CSMD1: variants seen among roughly 807,000 people sequenced by gnomAD.
CSMD1 encodes the protein CUB and sushi domain-containing protein 1.
Under a neutral mutation model 417.5 loss-of-function variants are expected in CSMD1, and 213 were observed. The observed-to-expected ratio is 0.51, with a 90% CI of 0.46 to 0.57. CSMD1 has a LOEUF of 0.57. Ranked by LOEUF, CSMD1 falls within the 20% of genes least tolerant of loss-of-function variation. The pLI is 0.00. For synonymous variants in CSMD1, 2,862 were observed against 1,736.8 expected (o/e 1.65, Z -16.11); for missense variants, 6,923 against 4,529.7 (o/e 1.53, Z -15.17).
intron 23 of CSMD1, among the ~76,000 whole-genome samples, chr8:3,324,969 T>G (rs1439619345): frequency 6.6e-6 from 1 of 152,140 alleles, no homozygotes. Flanking sequence ...AATTTTTACT[T>G]GGTTTAAAAG....
intron 3 of CSMD1, among the ~76,000 whole-genome samples, chr8:4,200,080 A>G (rs1367377891): frequency 6.6e-6 from 1 of 152,182 alleles, no homozygotes; most frequent in Non-Finnish European, 1.5e-5. Context: ...CATCCTCTTT[A>G]TATTTTTATG....
At chr8:4,641,800 T>G (rs1176455615) in intron 1 of CSMD1, among the ~76,000 whole-genome samples, 2 of 152,166 alleles carry the variant, frequency 1.3e-5, no homozygotes, top group Non-Finnish European at 2.9e-5. Flanking sequence ...TCTAGATATG[T>G]AGGGACTCTA....
At chr8:4,971,036 G>C (rs17071963) in intron 1 of CSMD1, among the ~76,000 whole-genome samples, 7,957 of 152,048 alleles carry the variant, frequency 0.052, 707 homozygotes, top group African/African-American at 0.18. Context: ...GGTAAGAATT[G>C]ACTTAGTCTT....
intron 5 of CSMD1, among the ~76,000 whole-genome samples, chr8:3,780,158 G>T (rs1799100354): frequency 6.6e-6 from 1 of 152,178 alleles, no homozygotes; most frequent in African/African-American, 2.4e-5. Flanking sequence ...AACATAGTAT[G>T]CACAAATCCA....
intron 3 of CSMD1, among the ~76,000 whole-genome samples, chr8:4,290,245 G>A (rs181393948): frequency 1.3e-5 from 2 of 152,186 alleles, no homozygotes; most frequent in Non-Finnish European, 2.9e-5. Flanking sequence ...ATGTGTTTAG[G>A]CCCGAGGGTG....
At chr8:4,992,606 C>G (rs1310016332) in intron 1 of CSMD1, among the ~76,000 whole-genome samples, 1 of 152,204 alleles carries the variant, frequency 6.6e-6, no homozygotes, top group African/African-American at 2.4e-5. Context: ...ACACACACGC[C>G]CCAGCACACC....
intron 7 of CSMD1, among the ~76,000 whole-genome samples, chr8:3,618,524 T>A (rs556177807): frequency 7.2e-5 from 11 of 152,270 alleles, no homozygotes; most frequent in African/African-American, 2.4e-4. Flanking sequence ...GACAATTATA[T>A]TGAATTCCAA....
intron 5 of CSMD1, among the ~76,000 whole-genome samples, chr8:3,798,425 C>T (rs1800278457): frequency 6.6e-6 from 1 of 151,982 alleles, no homozygotes; most frequent in South Asian, 2.1e-4. Context: ...GGTAAGAGTG[C>T]AGTTTCACTG....
At chr8:4,288,112 C>T (rs1272104750) in intron 3 of CSMD1, among the ~76,000 whole-genome samples, 2 of 152,084 alleles carry the variant, frequency 1.3e-5, no homozygotes, top group Non-Finnish European at 2.9e-5. Context: ...TTTTGCTAGC[C>T]ATGCTTTCTG....
At chr8:4,415,727 G>C (rs755580536) in intron 3 of CSMD1, among the ~76,000 whole-genome samples, 4 of 152,192 alleles carry the variant, frequency 2.6e-5, no homozygotes, top group Admixed American at 6.5e-5. Flanking sequence ...AAATGAATGA[G>C]CAAATCTGTG....
At chr8:3,570,350 A>G (rs530794614) in intron 10 of CSMD1, among the ~76,000 whole-genome samples, 41 of 152,260 alleles carry the variant, frequency 2.7e-4, no homozygotes, top group Non-Finnish European at 1.0e-4. Context: ...TGGCTTCTAG[A>G]TATTTCTTTC....
intron 10 of CSMD1, among the ~76,000 whole-genome samples, chr8:3,506,425 C>T (rs1196596493): frequency 1.3e-5 from 2 of 152,044 alleles, no homozygotes; most frequent in Non-Finnish European, 2.9e-5. Context: ...GAGAAGGTGC[C>T]GAATGGGTAA....
intron 1 of CSMD1, among the ~76,000 whole-genome samples, chr8:4,659,072 C>T (rs1205348481): frequency 6.6e-6 from 1 of 151,940 alleles, no homozygotes; most frequent in Non-Finnish European, 1.5e-5. Flanking sequence ...AACCAGAGAA[C>T]TTCACAAATA....
chr8:4,069,335 C>T (rs180856563), intron 3 of CSMD1, among the ~76,000 whole-genome samples: 28 of 152,296 alleles, frequency 1.8e-4, no homozygotes, highest in African/African-American at 6.5e-4. Context: ...AAAATTCCAA[C>T]TCTTATCTAC....
chr8:3,885,735 C>T (rs1242525797), intron 5 of CSMD1, among the ~76,000 whole-genome samples: 1 of 152,084 alleles, frequency 6.6e-6, no homozygotes, highest in African/African-American at 2.4e-5. Flanking sequence ...GGAATATCAG[C>T]CCCTTCTCCA....
intron 5 of CSMD1, among the ~76,000 whole-genome samples, chr8:3,878,175 G>T (rs190105115): frequency 6.6e-6 from 1 of 152,022 alleles, no homozygotes; most frequent in African/African-American, 2.4e-5. Context: ...AGATTCAAAT[G>T]GAGAATTCCA....
At chr8:4,863,904 AAAGG>A (rs1375652185) in intron 1 of CSMD1, among the ~76,000 whole-genome samples, 4 of 151,364 alleles carry the variant, frequency 2.6e-5, no homozygotes, top group Non-Finnish European at 5.9e-5. Context: ...TTAAAAGCAA[AAAGG>A]AAGTGAAATG....
intron 5 of CSMD1, among the ~76,000 whole-genome samples, chr8:3,763,408 T>G (rs1485111859): frequency 6.6e-6 from 1 of 152,068 alleles, no homozygotes; most frequent in Non-Finnish European, 1.5e-5. Context: ...AAGTTCTCAC[T>G]CTTAGTTTAC....
chr8:3,349,961 A>T (rs983469892), intron 21 of CSMD1, among the ~76,000 whole-genome samples: 1 of 145,690 alleles, frequency 6.9e-6, no homozygotes, highest in African/African-American at 2.5e-5. Context: ...TATGTGTGTT[A>T]TAATACCTAT....
Sources: allele counts gnomAD v4.1 joint callset (sites outside exome capture counted in the v4.1 genomes callset), GRCh38; gene constraint gnomAD v4.1.1; transcripts MANE v1.5; gene names NCBI Gene and HGNC (gene_info 2026-07-23, HGNC 2026-07-21).